The following PDCD1LG2 variants were observed in gnomAD, a reference collection of about 807,000 sequenced individuals.
The protein encoded by PDCD1LG2 is B7 dendritic cell molecule.
In PDCD1LG2, 32 loss-of-function variants were observed where a neutral mutation model predicts 28.2. The observed-to-expected ratio is 1.13, with a 90% CI of 0.86 to 1.52. The LOEUF (loss-of-function observed/expected upper bound fraction) is 1.52. Ranked by LOEUF, PDCD1LG2 falls within the 40% of genes most tolerant of loss-of-function variation. The probability of loss-of-function intolerance (pLI) is 0.00; values close to 1 mark genes in which losing one functional copy is unlikely to be tolerated. For missense variants in PDCD1LG2, 385 were observed against 323.8 expected (o/e 1.19, Z -1.45); for synonymous variants, 116 against 120.2 (o/e 0.97, Z 0.23).
chr9:5,525,777 G>A (rs758175379), intron 2 of PDCD1LG2, among the ~76,000 whole-genome samples: 3 of 152,250 alleles, frequency 2.0e-5, no homozygotes, highest in East Asian at 1.9e-4. Context: ...GGCCGGGCAT[G>A]GTGGCTCACG....
Position 5,566,381 on chromosome 9 carries a change from A to T in PDCD1LG2, c.816+3170A>T, listed in dbSNP as rs149840544. ...TCCTGGATCTCTTGCCTTTGTGCAC[A>T]TGATAGAATTGCACTTCTCTGTGAT... On this transcript the variant is annotated intron_variant, in intron 6 of 6. Coordinates refer to ENST00000397747, the MANE Select transcript of PDCD1LG2 (RefSeq NM_025239.4). Among the ~76,000 whole-genome samples the T allele has an allele frequency of 2.4e-3, 358 of 152,338 alleles. 2 individuals are homozygous for T. The highest frequency in any genetic ancestry group is 8.3e-3 in the African/African-American group (344 of 41,580).
intron 2 of PDCD1LG2, among the ~76,000 whole-genome samples, chr9:5,527,373 A>G (rs562222666): frequency 4.6e-5 from 7 of 152,310 alleles, no homozygotes; most frequent in African/African-American, 1.7e-4. Flanking sequence ...TATAGTAATG[A>G]CTTTTCCAGA....
intron 2 of PDCD1LG2, among the ~76,000 whole-genome samples, chr9:5,528,018 C>T (rs559663239): frequency 9.2e-5 from 14 of 151,594 alleles, no homozygotes; most frequent in Middle Eastern, 3.4e-3. Context: ...TTAATAGAGA[C>T]GGGGTTTTGC....
chr9:5,563,901 T>C (rs1816615548), intron 6 of PDCD1LG2, among the ~76,000 whole-genome samples: 1 of 152,220 alleles, frequency 6.6e-6, no homozygotes, highest in Non-Finnish European at 1.5e-5. Context: ...GAAGCCAACC[T>C]ACATCATGGG....
chr9:5,519,724 C>T (rs894173157), intron 1 of PDCD1LG2, among the ~76,000 whole-genome samples: 3 of 152,190 alleles, frequency 2.0e-5, no homozygotes, highest in Admixed American at 6.5e-5. Context: ...ATCTAATAGG[C>T]ATTTCAAACC....
chr9:5,571,112 T>C lies in PDCD1LG2; in HGVS notation c.*1153T>C, dbSNP rs1318081379. ...TTACATAGGTGGGCCTAAAGCAAGC[T>C]CCTTAACTGAGCAAAATTTGGGGCT... On this transcript the variant is annotated 3_prime_UTR_variant, in exon 7 of 7. Transcript: ENST00000397747. 2 of 232,636 alleles carry C rather than the reference T, an allele frequency of 8.6e-6. No homozygotes were observed. Among genetic ancestry groups the C allele is most frequent in the Non-Finnish European group, 1.7e-5 (2 of 117,736 alleles). 14.4% of individuals were successfully genotyped at this position (232,636 alleles called of 1,614,324 possible).
chr9:5,563,245 C>T, intron 6 of PDCD1LG2, 34 bp downstream of exon 6: 1 of 1,560,346 alleles, frequency 6.4e-7, no homozygotes. Flanking sequence ...TTCTTTCTTA[C>T]TTTCTTTTCT....
In PDCD1LG2 at chr9:5,544,424, C is replaced by A. The variant is rs1001021693; in HGVS notation, c.362-4911C>A. Reference sequence around the variant, plus strand: ...AGAGATACATCTTCTGCTGGAGAGGCCACAAAAGTATAGAGCATAGGGGAG... The same window carrying A: ...AGAGATACATCTTCTGCTGGAGAGGACACAAAAGTATAGAGCATAGGGGAG... On this transcript the variant is annotated intron_variant, in intron 3 of 6. Coordinates refer to ENST00000397747, the MANE Select transcript of PDCD1LG2 (RefSeq NM_025239.4). Among the ~76,000 whole-genome samples the A allele has an allele frequency of 7.2e-5, 11 of 152,136 alleles. 1 individual carries two copies. Among genetic ancestry groups the A allele is most frequent in the Admixed American group, 6.5e-4 (10 of 15,270 alleles).
intron 1 of PDCD1LG2, among the ~76,000 whole-genome samples, chr9:5,516,075 G>C (rs984065527): frequency 6.6e-6 from 1 of 151,710 alleles, no homozygotes; most frequent in Non-Finnish European, 1.5e-5. Context: ...TTTTTGAGAC[G>C]GAGTCTCACT....
In PDCD1LG2 at chr9:5,569,179, C is replaced by T. The variant is rs1308730238; in HGVS notation, c.817-775C>T. 6.6e-6 allele frequency among the ~76,000 whole-genome samples: 1 copy of T among 152,118 alleles called. No individual in the cohort carries two copies. Among genetic ancestry groups the T allele is most frequent in the Non-Finnish European group, 1.5e-5 (1 of 68,014 alleles). On this transcript the variant is annotated intron_variant, in intron 6 of 6. Transcript: ENST00000397747. This position sits in a 1 kb window ranked among gnomAD's most constrained non-coding sequence, Gnocchi z 4.1. ...TAAGCAAGAGTGCTTCAGTTAGATC[C>T]TAGCAGGAAATGGAGGGTATGCTTA...
chr9:5,527,444 C>T (rs577083352), intron 2 of PDCD1LG2, among the ~76,000 whole-genome samples: 103 of 152,172 alleles, frequency 6.8e-4, no homozygotes, highest in Non-Finnish European at 1.0e-3. Context: ...TTTCACTTAA[C>T]ATAAAGCATT....
chr9:5,522,398 C>T (rs1297655329), intron 1 of PDCD1LG2, 135 bp from the exon 2 acceptor site: 10 of 597,704 alleles, frequency 1.7e-5, no homozygotes, highest in Non-Finnish European at 3.0e-5. Flanking sequence ...ATAACTTCTC[C>T]TCCCAGCTCC....
In PDCD1LG2 at chr9:5,534,972, A is replaced by AG. The variant is rs752895119; in HGVS notation, c.286dup (p.Asp96GlyfsTer43). ...GTTCCACATACCTCAAGTCCAAGTG[A>AG]GGGACGAAGGACAGTACCAATGCAT... is the stretch of plus-strand genomic sequence containing the variant. On this transcript the variant is annotated frameshift_variant, in exon 3 of 7. Coordinates refer to ENST00000397747, the MANE Select transcript of PDCD1LG2 (RefSeq NM_025239.4). LOFTEE classifies it high-confidence loss of function. 1.2e-6 allele frequency: 2 copies of AG among 1,614,142 alleles called. No individual in the cohort carries two copies. Among genetic ancestry groups the AG allele is most frequent in the South Asian group, 2.2e-5 (2 of 91,074 alleles).
intron 2 of PDCD1LG2, 69 bp from the exon 3 acceptor site, chr9:5,534,676 T>C (rs1820545554): frequency 2.1e-6 from 3 of 1,436,634 alleles, no homozygotes; most frequent in Non-Finnish European, 1.9e-6. Context: ...GGGTCTCAGG[T>C]TACACTTCGT....
intron 2 of PDCD1LG2, among the ~76,000 whole-genome samples, chr9:5,522,825 C>T (rs1820302614): frequency 6.6e-6 from 1 of 152,052 alleles, no homozygotes; most frequent in South Asian, 2.1e-4. Context: ...ATTGCTCCAT[C>T]TATTCCCACT....
intron 2 of PDCD1LG2, among the ~76,000 whole-genome samples, chr9:5,523,223 C>G (rs1237773727): frequency 6.6e-6 from 1 of 152,176 alleles, no homozygotes; most frequent in East Asian, 1.9e-4. Flanking sequence ...AAAGCAGTTT[C>G]ACAGTTGGTT....
chr9:5,546,529 G>A (rs1422100012), intron 3 of PDCD1LG2, among the ~76,000 whole-genome samples: 2 of 152,192 alleles, frequency 1.3e-5, no homozygotes, highest in Admixed American at 1.3e-4. Context: ...AAGGAGATTG[G>A]TGAGTCTAAC....
In PDCD1LG2 at chr9:5,569,531, C is replaced by A. The variant is rs79541936; in HGVS notation, c.817-423C>A. ...CCCCTAGACTGAGCCCAGTCAAAGA[C>A]AGAGGGAGGAGCCCAGTGATGCAGT... is the stretch of plus-strand genomic sequence containing the variant. On this transcript the variant is annotated intron_variant, in intron 6 of 6. Transcript: ENST00000397747. The surrounding 1 kb of genome is among the most constrained non-coding windows in gnomAD (Gnocchi z 4.1). 2.0e-3 allele frequency among the ~76,000 whole-genome samples: 308 copies of A among 152,312 alleles called. 1 individual carries two copies. Among genetic ancestry groups the A allele is most frequent in the African/African-American group, 7.3e-3 (302 of 41,548 alleles).
intron 2 of PDCD1LG2, among the ~76,000 whole-genome samples, chr9:5,525,496 T>C (rs1820356432): frequency 6.6e-6 from 1 of 151,466 alleles, no homozygotes; most frequent in Non-Finnish European, 1.5e-5. Context: ...CATGGTATAT[T>C]TGCAGAATAT....
Sources: allele counts gnomAD v4.1 joint callset (sites outside exome capture counted in the v4.1 genomes callset), GRCh38; gene constraint gnomAD v4.1.1; non-coding constraint Gnocchi (gnomAD v3.1); transcripts MANE v1.5; gene names NCBI Gene and HGNC (gene_info 2026-07-23, HGNC 2026-07-21).